MMP26: variants seen among roughly 807,000 people sequenced by gnomAD.
MMP26 encodes matrix metalloproteinase-26.
In MMP26, 33 loss-of-function variants were observed where a neutral mutation model predicts 31.0. The ratio of observed to expected loss-of-function variants is 1.06; its 90% CI spans 0.81 to 1.42. MMP26 has a LOEUF of 1.42. Ranked by LOEUF, MMP26 falls within the 40% of genes most tolerant of loss-of-function variation. MMP26 has a pLI of 0.00. For missense variants in MMP26, 347 were observed against 316.1 expected (o/e 1.10, Z -0.74); for synonymous variants, 122 against 114.9 (o/e 1.06, Z -0.40).
At chr11:4,773,614 C>A (rs1435759788) in intron 2 of MMP26, among the ~76,000 whole-genome samples, 1 of 112,064 alleles carries the variant, frequency 8.9e-6, no homozygotes, top group African/African-American at 3.9e-5. Flanking sequence ...TTTTTTTTTG[C>A]TAATTGGTTT....
At chr11:4,829,690 T>C (rs1313604546) in intron 2 of MMP26, among the ~76,000 whole-genome samples, 1 of 152,140 alleles carries the variant, frequency 6.6e-6, no homozygotes, top group Non-Finnish European at 1.5e-5. Context: ...AGAAGGAGCC[T>C]ATGATAAATT....
In MMP26 at chr11:4,836,933, G is replaced by A. The variant is rs140608908; in HGVS notation, c.-145+69592G>A. On this transcript the variant is annotated intron_variant, in intron 2 of 7. Transcript: ENST00000380390. Reference sequence around the variant, plus strand: ...CCCAAAGTGCTGGGATTACGGGCGTGAGCCACCGCGCCTGGCCAAAGACCT... The same window carrying A: ...CCCAAAGTGCTGGGATTACGGGCGTAAGCCACCGCGCCTGGCCAAAGACCT... 1.3e-3 allele frequency among the ~76,000 whole-genome samples: 201 copies of A among 151,684 alleles called. 2 individuals are homozygous for A. Among genetic ancestry groups the A allele is most frequent in the African/African-American group, 4.4e-3 (183 of 41,324 alleles).
intron 2 of MMP26, among the ~76,000 whole-genome samples, chr11:4,879,251 A>G (rs929088254): frequency 6.6e-6 from 1 of 152,226 alleles, no homozygotes; most frequent in Admixed American, 6.5e-5. Context: ...GGGAAAGTAC[A>G]AAAAGCCAGG....
intron 2 of MMP26, among the ~76,000 whole-genome samples, chr11:4,819,271 T>A (rs1373243811): frequency 6.6e-6 from 1 of 152,172 alleles, no homozygotes; most frequent in Non-Finnish European, 1.5e-5. Context: ...AATTTATTAT[T>A]GTATAGGTGA....
intron 2 of MMP26, among the ~76,000 whole-genome samples, chr11:4,795,569 C>T (rs920011597): frequency 6.6e-5 from 10 of 151,894 alleles, no homozygotes; most frequent in Non-Finnish European, 1.2e-4. Flanking sequence ...AATCACAAGC[C>T]GAAATTTATA....
chr11:4,943,526 T>C (rs898509796), intron 2 of MMP26: 8 of 455,798 alleles, frequency 1.8e-5, no homozygotes, highest in Non-Finnish European at 2.2e-5. Flanking sequence ...TTGTGCTAGA[T>C]AATTCTTTTG....
intron 2 of MMP26, among the ~76,000 whole-genome samples, chr11:4,824,468 C>T (rs1260605015): frequency 6.6e-6 from 1 of 152,080 alleles, no homozygotes; most frequent in African/African-American, 2.4e-5. Context: ...TAATAGGAAG[C>T]CCATTTCCAC....
chr11:4,843,476 C>A (rs1849824512), intron 2 of MMP26, among the ~76,000 whole-genome samples: 1 of 152,220 alleles, frequency 6.6e-6, no homozygotes, highest in African/African-American at 2.4e-5. Flanking sequence ...GGGACCTGCA[C>A]CCTCTGAAGG....
chr11:4,838,776 C>A (rs1319437207), intron 2 of MMP26, among the ~76,000 whole-genome samples: 1 of 151,964 alleles, frequency 6.6e-6, no homozygotes, highest in Non-Finnish European at 1.5e-5. Flanking sequence ...AAGGCTCCAC[C>A]AATTGTCCCC....
chr11:4,789,237 T>G (rs1197359530), intron 2 of MMP26, among the ~76,000 whole-genome samples: 1 of 152,202 alleles, frequency 6.6e-6, no homozygotes, highest in Non-Finnish European at 1.5e-5. Flanking sequence ...AAATTTTAAA[T>G]CAAGATGAAT....
intron 2 of MMP26, among the ~76,000 whole-genome samples, chr11:4,925,578 G>A (rs907477209): frequency 6.6e-6 from 1 of 152,096 alleles, no homozygotes; most frequent in Non-Finnish European, 1.5e-5. Flanking sequence ...TGCACCGTGG[G>A]TATGGAGAAA....
chr11:4,945,966 G>A, intron 2 of MMP26: 1 of 605,856 alleles, frequency 1.7e-6, no homozygotes, highest in Non-Finnish European at 2.9e-6. Context: ...CTGCTTAACT[G>A]AAATGGGGAC....
At chr11:4,982,802 C>A (rs1846833490) in intron 2 of MMP26, among the ~76,000 whole-genome samples, 1 of 152,166 alleles carries the variant, frequency 6.6e-6, no homozygotes, top group African/African-American at 2.4e-5. Flanking sequence ...TTTGCTCAGG[C>A]AAAACCTATA....
At position 4,781,042 on chromosome 11, in the gene MMP26, A is replaced by G. The variant is rs544274896; in HGVS notation, c.-145+13701A>G. Among the ~76,000 whole-genome samples, 9 of 152,216 alleles carry G rather than the reference A, an allele frequency of 5.9e-5. No individual in the cohort carries two copies. The East Asian group carries it at 1.4e-3, about 23-fold the overall frequency. ...AAAAGAAGTTACATACAGAGACTATATGTTTCCATTTATATAAAATTCTAG... is the reference window on the plus strand; with the variant it reads ...AAAAGAAGTTACATACAGAGACTATGTGTTTCCATTTATATAAAATTCTAG... On this transcript the variant is annotated intron_variant, in intron 2 of 7. Coordinates refer to ENST00000380390, the MANE Select transcript of MMP26 (RefSeq NM_021801.5).
Position 4,765,585 on chromosome 11 carries a change from A to G in MMP26, c.-216-1685A>G, listed in dbSNP as rs573155261. 2.0e-5 allele frequency among the ~76,000 whole-genome samples: 3 copies of G among 152,284 alleles called. No individual in the cohort carries two copies. The South Asian group carries it at 6.2e-4, about 32-fold the overall frequency. ...TTCAGATCTTGTTGGTTCCTGTGAT[A>G]ATCGTAGCTCTGGCTTTTGGTGGTT... On this transcript the variant is annotated intron_variant, in intron 1 of 7. Coordinates refer to ENST00000380390, the MANE Select transcript of MMP26 (RefSeq NM_021801.5).
At chr11:4,766,899 G>A (rs935846323) in intron 1 of MMP26, among the ~76,000 whole-genome samples, 1 of 151,952 alleles carries the variant, frequency 6.6e-6, no homozygotes, top group African/African-American at 2.4e-5. Flanking sequence ...GATAATGTTA[G>A]TATATATTAC....
intron 2 of MMP26, among the ~76,000 whole-genome samples, chr11:4,863,187 ACT>A (rs1476875963): frequency 6.6e-6 from 1 of 151,246 alleles, no homozygotes; most frequent in East Asian, 1.9e-4. Flanking sequence ...ACTGTTTTTG[ACT>A]CTGATTTTCA....
intron 4 of MMP26, 62 bp downstream of exon 4, chr11:4,989,930 C>A: frequency 7.4e-7 from 1 of 1,356,300 alleles, no homozygotes; most frequent in Non-Finnish European, 1.0e-6. Flanking sequence ...GGCTTTCTAC[C>A]AGGTCTCTCC....
chr11:4,946,806 A>G (rs1210670051), intron 2 of MMP26: 2 of 1,587,540 alleles, frequency 1.3e-6, no homozygotes, highest in East Asian at 2.2e-5. Flanking sequence ...TGGGCAAAGC[A>G]GGCATTGGAT....
Sources: allele counts gnomAD v4.1 joint callset (sites outside exome capture counted in the v4.1 genomes callset), GRCh38; gene constraint gnomAD v4.1.1; transcripts MANE v1.5; gene names NCBI Gene and HGNC (gene_info 2026-07-23, HGNC 2026-07-21).